The following NINJ2 variants were observed in gnomAD, a reference collection of about 807,000 sequenced individuals.
NINJ2 encodes the protein ninjurin 2.
NINJ2 carries 12 observed loss-of-function variants against 11.7 expected under a neutral mutation model. That is an observed-to-expected ratio of 1.02 (90% CI 0.66 to 1.66). The LOEUF (loss-of-function observed/expected upper bound fraction) is 1.66, where lower values mean the gene tolerates loss of function less well. Among genes scored for constraint, NINJ2 ranks in the 40% most tolerant of loss-of-function variants. The probability of loss-of-function intolerance (pLI) is 0.00; values close to 1 mark genes in which losing one functional copy is unlikely to be tolerated. For synonymous variants in NINJ2, 93 were observed against 76.8 expected (o/e 1.21, Z -1.10); for missense variants, 187 against 181.8 (o/e 1.03, Z -0.16).
intron 1 of NINJ2, among the ~76,000 whole-genome samples, chr12:587,587 T>C (rs1238000181): frequency 6.6e-6 from 1 of 152,104 alleles, no homozygotes; most frequent in Non-Finnish European, 1.5e-5. Flanking sequence ...GAGCTGGGCT[T>C]TCCTAGTCTT....
At chr12:569,647 G>C (rs559942053) in intron 1 of NINJ2, among the ~76,000 whole-genome samples, 1 of 152,336 alleles carries the variant, frequency 6.6e-6, no homozygotes, top group Admixed American at 6.5e-5. Context: ...AGTGGGGGAA[G>C]GGGTGGCAGG....
At chr12:620,396 A>G (rs1009884335) in intron 1 of NINJ2, among the ~76,000 whole-genome samples, 3 of 152,258 alleles carry the variant, frequency 2.0e-5, no homozygotes, top group Non-Finnish European at 2.9e-5. Context: ...CCCTGAATCC[A>G]GATGCACAGC....
In NINJ2 at chr12:629,180, C is replaced by T. The variant is rs149887887; in HGVS notation, c.33+34148G>A. 3.9e-5 allele frequency among the ~76,000 whole-genome samples: 6 copies of T among 152,252 alleles called. No homozygotes were observed. The South Asian group carries it at 8.3e-4, about 21-fold the overall frequency. ...CGGGACCCCTTTCTGGCAATGATAC[C>T]CTCTTATTGTGGTAATTCATTTAAT... On this transcript the variant is annotated intron_variant, in intron 1 of 3. Transcript: ENST00000305108.
At chr12:571,849 C>T (rs1947380990) in intron 1 of NINJ2, among the ~76,000 whole-genome samples, 1 of 152,230 alleles carries the variant, frequency 6.6e-6, no homozygotes, top group South Asian at 2.1e-4. Flanking sequence ...GGGCTGTTCT[C>T]CCAGAGGGCC....
chr12:661,700 T>C (rs1937960105), intron 1 of NINJ2, among the ~76,000 whole-genome samples: 1 of 152,148 alleles, frequency 6.6e-6, no homozygotes. Context: ...CAACACAATT[T>C]CCTTAACAAC....
intron 1 of NINJ2, among the ~76,000 whole-genome samples, chr12:617,154 T>A (rs1948102573): frequency 1.3e-5 from 2 of 152,124 alleles, no homozygotes; most frequent in African/African-American, 4.8e-5. Context: ...TGCAGTGAGC[T>A]GATCACTCCA....
chr12:596,885 C>A (rs1947794801), intron 1 of NINJ2, among the ~76,000 whole-genome samples: 2 of 151,760 alleles, frequency 1.3e-5, no homozygotes, highest in Admixed American at 1.3e-4. Context: ...TTGCACCATC[C>A]CACTCCAGCC....
intron 2 of NINJ2, 74 bp from the exon 3 acceptor site, chr12:565,475 C>A: frequency 6.7e-7 from 1 of 1,484,966 alleles, no homozygotes. Context: ...CAACACCCAC[C>A]AGAGTTTGGA....
intron 1 of NINJ2, among the ~76,000 whole-genome samples, chr12:653,208 G>A (rs1445565880): frequency 6.6e-6 from 1 of 151,600 alleles, no homozygotes; most frequent in Non-Finnish European, 1.5e-5. Context: ...TTTTAGTAGA[G>A]ACGAGGTTTC....
chr12:611,750 C>T (rs919402644), intron 1 of NINJ2, among the ~76,000 whole-genome samples: 1 of 152,250 alleles, frequency 6.6e-6, no homozygotes, highest in Non-Finnish European at 1.5e-5. Flanking sequence ...TCTTCCCATA[C>T]CCACCATACC....
At chr12:660,355 C>T (rs113820518) in intron 1 of NINJ2, among the ~76,000 whole-genome samples, 12 of 125,646 alleles carry the variant, frequency 9.6e-5, no homozygotes, top group African/African-American at 3.3e-4. Flanking sequence ...TTTCTTTTTT[C>T]TTTTCTTTTT....
intron 1 of NINJ2, among the ~76,000 whole-genome samples, chr12:567,484 GGGATGGAT>G (rs1388711906): frequency 5.9e-5 from 9 of 152,150 alleles, no homozygotes; most frequent in Non-Finnish European, 1.3e-4. Flanking sequence ...CATGGATGAA[GGGATGGAT>G]GGATGGATGG....
intron 1 of NINJ2, among the ~76,000 whole-genome samples, chr12:607,378 T>C (rs965102779): frequency 7.2e-5 from 10 of 139,512 alleles, no homozygotes; most frequent in African/African-American, 1.6e-4. Flanking sequence ...ATGATGATGA[T>C]GACGACTGGA....
intron 1 of NINJ2, chr12:643,324 C>G (rs1050607834): frequency 2.4e-5 from 14 of 591,880 alleles, no homozygotes; most frequent in Non-Finnish European, 2.8e-5. Flanking sequence ...CTCGCAGCCT[C>G]GCAGCCCCGC....
intron 1 of NINJ2, among the ~76,000 whole-genome samples, chr12:655,132 G>A (rs972771182): frequency 4.6e-5 from 7 of 152,108 alleles, no homozygotes; most frequent in African/African-American, 1.7e-4. Context: ...TAAGAAAGTA[G>A]AAGCACTCCC....
intron 1 of NINJ2, among the ~76,000 whole-genome samples, chr12:598,972 T>C (rs1947826162): frequency 2.6e-5 from 4 of 151,098 alleles, no homozygotes; most frequent in Admixed American, 2.6e-4. Flanking sequence ...AGTGCTGGGA[T>C]TACAGGCGTG....
chr12:568,799 T>C (rs981944034), intron 1 of NINJ2, among the ~76,000 whole-genome samples: 1 of 150,930 alleles, frequency 6.6e-6, no homozygotes, highest in Admixed American at 6.6e-5. Context: ...TCTGGGAGAG[T>C]AGAATGGAGA....
chr12:610,938 T>C (rs1340478919), intron 1 of NINJ2, among the ~76,000 whole-genome samples: 2 of 152,076 alleles, frequency 1.3e-5, no homozygotes, highest in African/African-American at 4.8e-5. Context: ...TTTCACCATG[T>C]TGGCCAGGCT....
chr12:645,888 C>A (rs1870201), intron 1 of NINJ2: 139,078 of 152,202 alleles, frequency 0.91, 64,850 homozygotes, highest in East Asian at 1. Flanking sequence ...GAACCGCCCC[C>A]GACTGGGATG....
Sources: allele counts gnomAD v4.1 joint callset (sites outside exome capture counted in the v4.1 genomes callset), GRCh38; gene constraint gnomAD v4.1.1; transcripts MANE v1.5; gene names NCBI Gene and HGNC (gene_info 2026-07-23, HGNC 2026-07-21).